WHAMM: variants seen among roughly 807,000 people sequenced by gnomAD.
The protein encoded by WHAMM is WASP homolog associated with actin, golgi membranes and microtubules.
In WHAMM, 67 loss-of-function variants were observed where a neutral mutation model predicts 76.5. The observed-to-expected ratio is 0.88, with a 90% CI of 0.72 to 1.07. WHAMM has a LOEUF of 1.07. WHAMM is among the 50% of genes least tolerant of loss of function. The pLI is 0.00. For synonymous variants in WHAMM, 419 were observed against 422.1 expected (o/e 0.99, Z 0.09); for missense variants, 1,021 against 1,051.1 (o/e 0.97, Z 0.40).
chr15:82,830,498 C>T (rs77885195), intron 8 of WHAMM, 101 bp from the exon 9 acceptor site: 74,184 of 1,502,404 alleles, frequency 0.049, 2,184 homozygotes, highest in Non-Finnish European at 0.058. Flanking sequence ...ATTAGACCAT[C>T]CATGCATAGA....
chr15:82,821,337 A>G (rs192645726), intron 5 of WHAMM, among the ~76,000 whole-genome samples: 125 of 152,272 alleles, frequency 8.2e-4, no homozygotes, highest in Middle Eastern at 6.8e-3. Flanking sequence ...AATTATGTCA[A>G]TATATGCTTA....
In WHAMM at chr15:82,830,863, T is replaced by C. The variant is rs748661209; in HGVS notation, c.1906T>C (p.Leu636=). The C allele has an allele frequency of 4.4e-6, 7 of 1,583,928 alleles. No individual in the cohort carries two copies. The highest frequency in any genetic ancestry group is 4.6e-5 in the East Asian group (2 of 43,452). ...AACACATTCCAAATCCAGTGAGGAA[T>C]TGTCACTGCCACCACCTCCTCCTCC... ...DQTHSKSSEE[L]SLPPPPPPPP... The change falls in exon 9 of 10, where the codon TTG becomes CTG. Residue 636 remains leucine (L), a synonymous_variant. Transcript: ENST00000286760.
chr15:82,810,565 C>T (rs1289319460), intron 1 of WHAMM: 8 of 985,458 alleles, frequency 8.1e-6, no homozygotes, highest in African/African-American at 1.7e-5. Context: ...GCCTAGTGTA[C>T]TTGCAGCTGG....
Position 82,834,835 on chromosome 15 carries a change from C to G in WHAMM, c.*1299C>G, listed in dbSNP as rs1025512003. Reference sequence around the variant, plus strand: ...CTGAAAGTTTTTAATAAAATTTTAGCTAAACATTTGTTTAAGTGAATACTA... The same window carrying G: ...CTGAAAGTTTTTAATAAAATTTTAGGTAAACATTTGTTTAAGTGAATACTA... On this transcript the variant is annotated 3_prime_UTR_variant, in exon 10 of 10. Transcript: ENST00000286760. 1.3e-5 allele frequency: 2 copies of G among 152,116 alleles called. No individual in the cohort carries two copies. The highest frequency in any genetic ancestry group is 4.8e-5 in the African/African-American group (2 of 41,422). The allele number at this position is 152,116 out of a possible 1,614,324, so 9.4% of individuals were successfully genotyped here. A position where few individuals can be genotyped will look rare whatever the true frequency, so the allele number is the denominator to read the frequency against.
At position 82,810,157 on chromosome 15, in the gene WHAMM, A is replaced by G; in HGVS notation, c.431A>G (p.Glu144Gly). 1 of 1,391,660 alleles carries G rather than the reference A, an allele frequency of 7.2e-7. No individual in the cohort carries two copies. Among genetic ancestry groups the G allele is most frequent in the South Asian group, 1.4e-5 (1 of 70,514 alleles). 86.2% of individuals were successfully genotyped at this position (1,391,660 alleles called of 1,614,324 possible). A position where few individuals can be genotyped will look rare whatever the true frequency, so the allele number is the denominator to read the frequency against. ...RAGPGEAALQ[E>G]LCGQLERYLG... ...GGTCCCGGCGAGGCGGCGCTGCAGG[A>G]GCTGTGCGGGCAGCTGGAACGCTAT... The change falls in exon 1 of 10, where the codon GAG (glutamate) becomes GGG (glycine). Residue 144 changes from glutamate to glycine, a missense_variant. Transcript: ENST00000286760.
chr15:82,815,147 AT>A (rs771068417), intron 2 of WHAMM, among the ~76,000 whole-genome samples: 3,406 of 37,716 alleles, frequency 0.09, 233 homozygotes, highest in Middle Eastern at 0.18. Context: ...ATATATATAT[AT>A]ATATATAGTA....
Position 82,809,816 on chromosome 15 carries a change from C to T in WHAMM, c.90C>T (p.Phe30=), listed in dbSNP as rs755081103. The part of the protein sequence containing the change: ...FAEPERHRLR[F]LVAWNGAEGK... ...AGCCCGAGAGGCACCGGCTGCGCTT[C>T]CTGGTGGCCTGGAACGGCGCGGAGG... The change falls in exon 1 of 10, where the codon TTC becomes TTT. Residue 30 remains phenylalanine (F), a synonymous_variant. Coordinates refer to ENST00000286760, the MANE Select transcript of WHAMM (RefSeq NM_001080435.3). The T allele has an allele frequency of 6.2e-7, 1 of 1,603,578 alleles. No homozygotes were observed. The highest frequency in any genetic ancestry group is 8.5e-7 in the Non-Finnish European group (1 of 1,175,836).
intron 2 of WHAMM, among the ~76,000 whole-genome samples, chr15:82,815,140 T>A (rs2050703102): frequency 2.4e-5 from 1 of 41,216 alleles, no homozygotes; most frequent in African/African-American, 1.2e-4. Context: ...TATATATATA[T>A]ATATATATAT....
chr15:82,822,832 A>G (rs922192071), intron 5 of WHAMM, among the ~76,000 whole-genome samples: 9 of 150,138 alleles, frequency 6.0e-5, no homozygotes, highest in African/African-American at 1.5e-4. Flanking sequence ...GTGTATATAT[A>G]TATATACACA....
intron 5 of WHAMM, among the ~76,000 whole-genome samples, chr15:82,821,717 T>C (rs2050832579): frequency 6.6e-6 from 1 of 152,226 alleles, no homozygotes; most frequent in South Asian, 2.1e-4. Flanking sequence ...CCAGATGAAA[T>C]TTAGAATCAA....
chr15:82,825,718 G>T (rs2050918698), intron 6 of WHAMM, among the ~76,000 whole-genome samples: 1 of 151,882 alleles, frequency 6.6e-6, no homozygotes, highest in Non-Finnish European at 1.5e-5. Context: ...AACCCGGGAG[G>T]TGGAGGTTGC....
In WHAMM at chr15:82,833,652, A is replaced by G. The variant is rs1367362986; in HGVS notation, c.*116A>G. ...ATAGATGGGCCACATAACACCCCGGAAGATCAGCAGGGCCTTGTGTAGGCT... is the reference window on the plus strand; with the variant it reads ...ATAGATGGGCCACATAACACCCCGGGAGATCAGCAGGGCCTTGTGTAGGCT... On this transcript the variant is annotated 3_prime_UTR_variant, in exon 10 of 10. Transcript: ENST00000286760. 8 of 1,156,052 alleles carry G rather than the reference A, an allele frequency of 6.9e-6. No homozygotes were observed. In the Admixed American group the frequency reaches 1.3e-4, roughly 18 times the overall value. The allele number at this position is 1,156,052 out of a possible 1,614,324, so 71.6% of individuals were successfully genotyped here.
intron 5 of WHAMM, among the ~76,000 whole-genome samples, chr15:82,820,457 G>C (rs2151564165): frequency 6.6e-6 from 1 of 152,110 alleles, no homozygotes; most frequent in Non-Finnish European, 1.5e-5. Flanking sequence ...GGAATTATTG[G>C]GTCAAGGGCA....
rs773714019 is a variant in WHAMM, at chr15:82,833,268, G to C, written c.2162G>C (p.Arg721Thr). ...DEVLASLRHG[R>T]APLRKVEVPA... ...GTGTTGGCCTCCTTAAGGCATGGCA[G>C]AGCTCCTCTCCGGAAGGTGGAAGTG... The change falls in exon 10 of 10, where the codon AGA (arginine) becomes ACA (threonine). Residue 721 changes from arginine to threonine, a missense_variant. This residue lies in a region of WHAMM where 509 missense variants were observed against 492.3 expected (regional missense o/e 1.03). Coordinates refer to ENST00000286760, the MANE Select transcript of WHAMM (RefSeq NM_001080435.3). 2 of 1,613,846 alleles carry C rather than the reference G, an allele frequency of 1.2e-6. No individual in the cohort carries two copies. The highest frequency in any genetic ancestry group is 1.3e-5 in the African/African-American group (1 of 74,934).
In WHAMM at chr15:82,817,946, G is replaced by A. The variant is rs2050753966; in HGVS notation, c.961G>A (p.Ala321Thr). Residue 321 changes from alanine to threonine, a missense_variant, in exon 4 of 10, where the codon GCG becomes ACG. This residue lies in a region of WHAMM where 501 missense variants were observed against 524.9 expected (regional missense o/e 0.95). Coordinates refer to ENST00000286760, the MANE Select transcript of WHAMM (RefSeq NM_001080435.3). ...AATGCAGAAAGAAATGGAACAGGAT[G>A]CGAAGAGATTTGGTCAGGCTGCCTG... ...AGMQKEMEQD[A>T]KRFGQAAWAT... 3 of 1,544,956 alleles carry A rather than the reference G, an allele frequency of 1.9e-6. No individual in the cohort carries two copies. Among genetic ancestry groups the A allele is most frequent in the Non-Finnish European group, 2.6e-6 (3 of 1,144,442 alleles).
intron 8 of WHAMM, among the ~76,000 whole-genome samples, chr15:82,827,196 TAAAC>T (rs772872457): frequency 2.6e-5 from 4 of 152,194 alleles, no homozygotes; most frequent in South Asian, 4.1e-4. Flanking sequence ...TCATTTGTAA[TAAAC>T]AATTCTTTAA....
Position 82,810,348 on chromosome 15 carries a change from C to A in WHAMM, c.609+13C>A, listed in dbSNP as rs987688594. 1 of 1,304,106 alleles carries A rather than the reference C, an allele frequency of 7.7e-7. No individual in the cohort carries two copies. Among genetic ancestry groups the A allele is most frequent in the Non-Finnish European group, 9.7e-7 (1 of 1,031,062 alleles). 80.8% of individuals were successfully genotyped at this position (1,304,106 alleles called of 1,614,324 possible). A position where few individuals can be genotyped will look rare whatever the true frequency, so the allele number is the denominator to read the frequency against. ...GCGGCTGCGCCAGGTAAGCGAGGCCCGGTCGCCGGCGTTCGTCCGCGCTTC... is the reference window on the plus strand; with the variant it reads ...GCGGCTGCGCCAGGTAAGCGAGGCCAGGTCGCCGGCGTTCGTCCGCGCTTC... On this transcript the variant is annotated intron_variant, in intron 1 of 9. Transcript: ENST00000286760.
chr15:82,810,571 G>A, intron 1 of WHAMM: 1 of 985,468 alleles, frequency 1.0e-6, no homozygotes, highest in Non-Finnish European at 1.2e-6. Flanking sequence ...TGTACTTGCA[G>A]CTGGGAGCTG....
intron 6 of WHAMM, among the ~76,000 whole-genome samples, chr15:82,825,920 T>C (rs2050923752): frequency 1.3e-5 from 2 of 152,202 alleles, no homozygotes; most frequent in African/African-American, 4.8e-5. Flanking sequence ...TGTATTACTG[T>C]ATTATTTTTT....
Sources: gnomAD v4.1 joint callset for allele counts (sites outside exome capture counted in the v4.1 genomes callset) on GRCh38, gnomAD v4.1.1 for gene constraint, gnomAD v4.1.1 regional missense constraint, MANE v1.5 for transcripts, NCBI Gene and HGNC (gene_info 2026-07-23, HGNC 2026-07-21) for gene names.